The following UGGT2 variants were observed in gnomAD, a reference collection of about 807,000 sequenced individuals.
UGGT2 encodes the protein UDP-glucose glycoprotein glucosyltransferase 2.
In UGGT2, 180 loss-of-function variants were observed where a neutral mutation model predicts 192.1. The ratio of observed to expected loss-of-function variants is 0.94; its 90% CI spans 0.83 to 1.06. UGGT2 has a LOEUF of 1.06. UGGT2 is among the 50% of genes least tolerant of loss of function. The pLI is 0.00. For synonymous variants in UGGT2, 580 were observed against 591.0 expected (o/e 0.98, Z 0.27); for missense variants, 1,849 against 1,795.7 (o/e 1.03, Z -0.54).
At chr13:95,866,489 G>A (rs929046077) in intron 30 of UGGT2, among the ~76,000 whole-genome samples, 9 of 152,046 alleles carry the variant, frequency 5.9e-5, no homozygotes, top group South Asian at 2.1e-4. Flanking sequence ...TCCAGATACC[G>A]CTATATCCTA....
At chr13:95,996,970 A>G (rs2051643282) in intron 6 of UGGT2, among the ~76,000 whole-genome samples, 1 of 152,206 alleles carries the variant, frequency 6.6e-6, no homozygotes, top group Non-Finnish European at 1.5e-5. Context: ...AGGGTGCTTT[A>G]GGATCATAAA....
At chr13:95,966,252 A>C (rs1194349905) in intron 12 of UGGT2, among the ~76,000 whole-genome samples, 2 of 152,194 alleles carry the variant, frequency 1.3e-5, no homozygotes, top group Admixed American at 6.5e-5. Context: ...AACATGGAGG[A>C]AACTGGAGGT....
At chr13:95,994,966 C>T (rs1026054824) in intron 7 of UGGT2, among the ~76,000 whole-genome samples, 3 of 151,908 alleles carry the variant, frequency 2.0e-5, no homozygotes, top group East Asian at 1.9e-4. Flanking sequence ...CCATAGGTAT[C>T]GAAAGTCTTA....
At chr13:95,846,461 A>G (rs1444051747) in intron 36 of UGGT2, among the ~76,000 whole-genome samples, 3 of 152,002 alleles carry the variant, frequency 2.0e-5, no homozygotes, top group Admixed American at 6.6e-5. Context: ...TCCTTTTTAT[A>G]TATTACTAAA....
At chr13:95,957,775 T>G (rs2050255577) in intron 12 of UGGT2, among the ~76,000 whole-genome samples, 1 of 152,252 alleles carries the variant, frequency 6.6e-6, no homozygotes, top group South Asian at 2.1e-4. Context: ...TGACAATTAC[T>G]GCACTAATTT....
chr13:95,979,395 G>T (rs73562906), intron 10 of UGGT2, among the ~76,000 whole-genome samples: 2,554 of 152,002 alleles, frequency 0.017, 73 homozygotes, highest in African/African-American at 0.059. Flanking sequence ...TACACTAGAA[G>T]AATTATGCCA....
chr13:95,840,693 A>T (rs1887766972), intron 36 of UGGT2, among the ~76,000 whole-genome samples: 1 of 152,294 alleles, frequency 6.6e-6, no homozygotes, highest in African/African-American at 2.4e-5. Context: ...CAGCAATCCC[A>T]CTACTGGGTA....
At chr13:95,964,655 A>G (rs969970023) in intron 12 of UGGT2, among the ~76,000 whole-genome samples, 10 of 152,342 alleles carry the variant, frequency 6.6e-5, no homozygotes, top group South Asian at 4.1e-4. Flanking sequence ...TGAATTTCTC[A>G]TAAGAAACCA....
At chr13:96,037,863 G>A (rs185982586) in intron 1 of UGGT2, among the ~76,000 whole-genome samples, 34 of 152,224 alleles carry the variant, frequency 2.2e-4, no homozygotes, top group Non-Finnish European at 4.1e-4. Context: ...GCAGAATAAC[G>A]AACTATATAA....
chr13:95,919,565 C>T (rs1306042708), intron 20 of UGGT2, among the ~76,000 whole-genome samples: 1 of 152,146 alleles, frequency 6.6e-6, no homozygotes, highest in African/African-American at 2.4e-5. Context: ...CATTCCTATA[C>T]ACCAACAACA....
Position 95,970,271 on chromosome 13 carries a change from T to A in UGGT2, c.1185-9A>T, listed in dbSNP as rs1462325997. 1 of 1,582,678 alleles carries A rather than the reference T, an allele frequency of 6.3e-7. No homozygotes were observed. Among genetic ancestry groups the A allele is most frequent in the Admixed American group, 1.9e-5 (1 of 52,292 alleles). Reference sequence around the variant, plus strand: ...TCAGCATATCCAAAATACTATATATTCAAAGAAAAAACAGTTTTATTTTGA... The same window carrying A: ...TCAGCATATCCAAAATACTATATATACAAAGAAAAAACAGTTTTATTTTGA... On this transcript the variant is annotated splice_polypyrimidine_tract_variant and intron_variant, in intron 11 of 38. Coordinates refer to ENST00000376747, the MANE Select transcript of UGGT2 (RefSeq NM_020121.4).
intron 38 of UGGT2, among the ~76,000 whole-genome samples, chr13:95,826,374 C>A (rs1472207355): frequency 6.6e-6 from 1 of 151,862 alleles, no homozygotes; most frequent in Non-Finnish European, 1.5e-5. Flanking sequence ...AATAAACAAA[C>A]AAACAAACAA....
intron 4 of UGGT2, among the ~76,000 whole-genome samples, chr13:96,016,917 C>T (rs544976254): frequency 4.1e-4 from 62 of 152,276 alleles, no homozygotes; most frequent in African/African-American, 1.2e-3. Context: ...AAAGTTAGAG[C>T]GCTGGAGCTG....
chr13:95,893,687 C>T (rs187783550), intron 24 of UGGT2, among the ~76,000 whole-genome samples: 6 of 152,204 alleles, frequency 3.9e-5, no homozygotes, highest in Non-Finnish European at 7.4e-5. Context: ...AATGGTATTT[C>T]TAGAGAAAAT....
At chr13:95,891,672 T>G (rs1427309557) in intron 24 of UGGT2, among the ~76,000 whole-genome samples, 1 of 152,184 alleles carries the variant, frequency 6.6e-6, no homozygotes, top group East Asian at 1.9e-4. Context: ...ATTACTGTTT[T>G]AACACTATAA....
chr13:95,864,532 G>A (rs1273430359), intron 30 of UGGT2, among the ~76,000 whole-genome samples: 2 of 152,268 alleles, frequency 1.3e-5, no homozygotes, highest in Middle Eastern at 3.4e-3. Flanking sequence ...GACTCTTGCT[G>A]GGTTAGATGA....
intron 20 of UGGT2, among the ~76,000 whole-genome samples, chr13:95,910,221 G>C (rs1472136713): frequency 6.6e-6 from 1 of 152,082 alleles, no homozygotes; most frequent in Non-Finnish European, 1.5e-5. Context: ...ATAATAACGG[G>C]ATCAAATTTA....
intron 7 of UGGT2, among the ~76,000 whole-genome samples, chr13:95,994,337 GTTAAT>G (rs1469630587): frequency 1.3e-5 from 2 of 151,670 alleles, no homozygotes; most frequent in East Asian, 3.9e-4. Context: ...AGCTTGCCAA[GTTAAT>G]TTATTAAAAA....
intron 9 of UGGT2, chr13:95,985,157 T>C (rs1383266165): frequency 9.5e-6 from 6 of 629,898 alleles, no homozygotes; most frequent in Non-Finnish European, 1.4e-5. Flanking sequence ...TTATTTTACT[T>C]TATTTGTATT....
Sources: gnomAD v4.1 joint callset for allele counts (sites outside exome capture counted in the v4.1 genomes callset) on GRCh38, gnomAD v4.1.1 for gene constraint, MANE v1.5 for transcripts, NCBI Gene and HGNC (gene_info 2026-07-23, HGNC 2026-07-21) for gene names.